CELF4: variants seen among roughly 807,000 people sequenced by gnomAD.
CELF4 encodes the protein CUG-BP- and ETR-3-like factor 4.
Under a neutral mutation model 59.9 loss-of-function variants are expected in CELF4, and 18 were observed. That is an observed-to-expected ratio of 0.30 (90% confidence interval 0.21 to 0.45). The LOEUF (loss-of-function observed/expected upper bound fraction) is 0.45. Among genes scored for constraint, CELF4 ranks in the 20% least tolerant of loss-of-function variants. The probability of loss-of-function intolerance (pLI) is 1.00; values close to 1 mark genes in which losing one functional copy is unlikely to be tolerated. For missense variants in CELF4, 456 were observed against 689.0 expected, an observed-to-expected ratio of 0.66 and a Z score of 3.79; for synonymous variants, 261 against 267.1, an observed-to-expected ratio of 0.98 and a Z score of 0.22.
rs1274891298 is a variant in CELF4 at position 37,243,178 on chromosome 18, C to CTTTTTTTTTTTT, written c.*2063_*2064insAAAAAAAAAAAA. ...ACTGCAGCTGTTTTCTTTTTTTTTTCTTTTTTTCTTTTTTTTTTTTTTTTT... is the reference window on the plus strand; with the variant it reads ...ACTGCAGCTGTTTTCTTTTTTTTTTCTTTTTTTTTTTTTTTTTTTCTTTTTTTTTTTTTTTTT... On this transcript the variant is annotated 3_prime_UTR_variant, in exon 13 of 13. Coordinates refer to ENST00000420428, the MANE Select transcript of CELF4 (RefSeq NM_020180.4). The CTTTTTTTTTTTT allele has an allele frequency of 1.9e-5, 2 of 103,270 alleles. No homozygotes were observed. The highest frequency in any genetic ancestry group is 4.5e-5 in the African/African-American group (1 of 22,392). The allele number at this position is 103,270 out of a possible 1,614,324, so 6.4% of individuals were successfully genotyped here.
chr18:37,427,070 G>A (rs867677342), intron 2 of CELF4, among the ~76,000 whole-genome samples: 3 of 150,398 alleles, frequency 2.0e-5, no homozygotes, highest in Non-Finnish European at 4.4e-5. Context: ...CCTGGGTGAA[G>A]CCCACCATGG....
chr18:37,434,126 C>A (rs1372221033), intron 2 of CELF4, among the ~76,000 whole-genome samples: 1 of 152,150 alleles, frequency 6.6e-6, no homozygotes, highest in African/African-American at 2.4e-5. Context: ...GGAAGCTGCA[C>A]ATAAACTCTG....
At chr18:37,533,449 G>A (rs2099971089) in intron 1 of CELF4, among the ~76,000 whole-genome samples, 1 of 152,132 alleles carries the variant, frequency 6.6e-6, no homozygotes, top group Admixed American at 6.5e-5. Context: ...ATTTGAGTGG[G>A]GGCCCTTCTG....
chr18:37,505,920 A>AGTCTTTTCCATGAGGCAC (rs1204806453), intron 1 of CELF4, among the ~76,000 whole-genome samples: 1 of 152,176 alleles, frequency 6.6e-6, no homozygotes, highest in Non-Finnish European at 1.5e-5. Flanking sequence ...CACTGGAGCA[A>AGTCTTTTCCATGAGGCAC]GTCTTTTCCA....
intron 2 of CELF4, among the ~76,000 whole-genome samples, chr18:37,398,757 A>G (rs1348893719): frequency 6.6e-6 from 1 of 152,166 alleles, no homozygotes; most frequent in Admixed American, 6.5e-5. Flanking sequence ...CTTAGCAGGC[A>G]GGGCACTGTG....
chr18:37,345,108 T>C (rs2098203572), intron 2 of CELF4, among the ~76,000 whole-genome samples: 1 of 152,176 alleles, frequency 6.6e-6, no homozygotes, highest in African/African-American at 2.4e-5. Context: ...CGGGAGGCTC[T>C]GTCTCTGGAG....
At chr18:37,398,314 G>T (rs1307415708) in intron 2 of CELF4, among the ~76,000 whole-genome samples, 3 of 152,228 alleles carry the variant, frequency 2.0e-5, no homozygotes, top group African/African-American at 7.2e-5. Flanking sequence ...GACAGTGAAA[G>T]TCCTGTCCTG....
intron 8 of CELF4, among the ~76,000 whole-genome samples, chr18:37,267,664 AC>A (rs2078327731): frequency 6.6e-6 from 1 of 152,118 alleles, no homozygotes; most frequent in Non-Finnish European, 1.5e-5. Context: ...AGGCTTTGGG[AC>A]CTTTAGTCTA....
chr18:37,451,153 A>G (rs1354028167), intron 2 of CELF4, among the ~76,000 whole-genome samples: 2 of 152,212 alleles, frequency 1.3e-5, no homozygotes, highest in Admixed American at 1.3e-4. Context: ...ACTGCAGAGG[A>G]CATGGGCAGA....
Position 37,300,198 on chromosome 18 carries a change from T to C in CELF4, c.448+21605A>G, listed in dbSNP as rs1350712445. On this transcript the variant is annotated intron_variant, in intron 3 of 12. Transcript: ENST00000420428. ...CACCACACTCCCTTGTGCCTGCTTG[T>C]TGCATGTGATCTGATCCCATGCTCC... Among the ~76,000 whole-genome samples the C allele has an allele frequency of 2.9e-5, 4 of 139,722 alleles. No homozygotes were observed. The South Asian group carries it at 6.5e-4, about 23-fold the overall frequency. 91.7% of individuals were successfully genotyped at this position (139,722 alleles called of 152,430 possible). A position where few individuals can be genotyped will look rare whatever the true frequency, so the allele number is the denominator to read the frequency against.
intron 3 of CELF4, among the ~76,000 whole-genome samples, chr18:37,301,321 T>C (rs2096017591): frequency 6.6e-6 from 1 of 152,196 alleles, no homozygotes; most frequent in African/African-American, 2.4e-5. Context: ...TGTCCCTGCC[T>C]GATTCCTTGT....
Position 37,456,482 on chromosome 18 carries a change from C to T in CELF4, c.369+29043G>A, listed in dbSNP as rs139535257. On this transcript the variant is annotated intron_variant, in intron 2 of 12. Coordinates refer to ENST00000420428, the MANE Select transcript of CELF4 (RefSeq NM_020180.4). ...TCCTGCTCCGTCCAGCCCTGCACGT[C>T]TGACAGCGTGTAGTCCCAAAGGGGA... Among the ~76,000 whole-genome samples, 6 of 152,306 alleles carry T rather than the reference C, an allele frequency of 3.9e-5. No homozygotes were observed. The East Asian group carries it at 1.2e-3, about 30-fold the overall frequency.
At chr18:37,496,925 G>A (rs902355024) in intron 1 of CELF4, among the ~76,000 whole-genome samples, 2 of 152,198 alleles carry the variant, frequency 1.3e-5, no homozygotes, top group African/African-American at 2.4e-5. Flanking sequence ...GGGCCCTAAG[G>A]AAGCAGCATT....
rs1468631212 is a variant in CELF4, at chr18:37,524,870, C to CGGGCT, written c.287-39268_287-39264dup. Among the ~76,000 whole-genome samples, 8 of 152,240 alleles carry CGGGCT rather than the reference C, an allele frequency of 5.3e-5. No homozygotes were observed. The South Asian group carries it at 1.0e-3, about 20-fold the overall frequency. Reference sequence around the variant, plus strand: ...GCCCAGCAGGAGAATGGGGCGCAGCCGGGCTGGGCTGGGGCGCGGGGGTCG... The same window carrying CGGGCT: ...GCCCAGCAGGAGAATGGGGCGCAGCCGGGCTGGGCTGGGCTGGGGCGCGGGGGTCG... On this transcript the variant is annotated intron_variant, in intron 1 of 12. Coordinates refer to ENST00000420428, the MANE Select transcript of CELF4 (RefSeq NM_020180.4).
intron 2 of CELF4, among the ~76,000 whole-genome samples, chr18:37,331,548 C>A (rs932432432): frequency 6.6e-6 from 1 of 152,046 alleles, no homozygotes; most frequent in Non-Finnish European, 1.5e-5. Flanking sequence ...AGGAACCAGG[C>A]GTGTGGGTTG....
intron 2 of CELF4, among the ~76,000 whole-genome samples, chr18:37,421,534 C>G (rs780222516): frequency 1.3e-4 from 19 of 141,860 alleles, no homozygotes; most frequent in Non-Finnish European, 2.8e-4. Flanking sequence ...AACGGCCACC[C>G]CTGTCCTTGA....
chr18:37,314,385 G>A (rs1287204476), intron 3 of CELF4, among the ~76,000 whole-genome samples: 1 of 152,178 alleles, frequency 6.6e-6, no homozygotes, highest in African/African-American at 2.4e-5. Flanking sequence ...AACCTGGGAG[G>A]TGGAGGTTGC....
chr18:37,323,803 T>G (rs1314367310), intron 2 of CELF4, among the ~76,000 whole-genome samples: 1 of 152,202 alleles, frequency 6.6e-6, no homozygotes, highest in Non-Finnish European at 1.5e-5. Flanking sequence ...ATATCCATCT[T>G]TTCAATGAGA....
At position 37,504,208 on chromosome 18, in the gene CELF4, C is replaced by T. The variant is rs367747161; in HGVS notation, c.287-18601G>A. On this transcript the variant is annotated intron_variant, in intron 1 of 12. Transcript: ENST00000420428. ...ATGGTATGGTTAAGAATGGGGCTTA[C>T]GGCCGGGCACAGTGGCTCACGCCTG... Among the ~76,000 whole-genome samples the T allele has an allele frequency of 1.7e-4, 26 of 152,220 alleles. No individual in the cohort carries two copies. In the South Asian group the frequency reaches 4.6e-3, roughly 27 times the overall value.
Sources: allele counts gnomAD v4.1 joint callset (sites outside exome capture counted in the v4.1 genomes callset), GRCh38; gene constraint gnomAD v4.1.1; transcripts MANE v1.5; gene names NCBI Gene and HGNC (gene_info 2026-07-23, HGNC 2026-07-21).